The following CACHD1 variants were observed in gnomAD, a reference collection of about 807,000 sequenced individuals.
CACHD1 encodes VWFA and cache domain-containing protein 1.
A neutral mutation model predicts 138.7 loss-of-function variants in CACHD1; 71 were observed. That is an observed-to-expected ratio of 0.51 (90% CI 0.42 to 0.62). The LOEUF is 0.62. Among genes scored for constraint, CACHD1 ranks in the 20% least tolerant of loss-of-function variants. CACHD1 has a pLI of 0.00. For missense variants in CACHD1, 1,389 were observed against 1,625.3 expected, an observed-to-expected ratio of 0.85 and a Z score of 2.50; for synonymous variants, 578 against 591.5, an observed-to-expected ratio of 0.98 and a Z score of 0.33.
chr1:64,609,511 G>A (rs1475020287), intron 4 of CACHD1, among the ~76,000 whole-genome samples: 1 of 152,078 alleles, frequency 6.6e-6, no homozygotes, highest in African/African-American at 2.4e-5. Flanking sequence ...AACAAACAAG[G>A]TCTCTTTCTT....
At chr1:64,539,248 T>A (rs1451174622) in intron 1 of CACHD1, among the ~76,000 whole-genome samples, 1 of 152,244 alleles carries the variant, frequency 6.6e-6, no homozygotes, top group Non-Finnish European at 1.5e-5. Flanking sequence ...ATAAACATTC[T>A]TAAAGCACCT....
intron 26 of CACHD1, among the ~76,000 whole-genome samples, chr1:64,689,021 G>A (rs1199538313): frequency 6.6e-6 from 1 of 152,116 alleles, no homozygotes; most frequent in African/African-American, 2.4e-5. Context: ...CCCTAAGGTA[G>A]GCCTCTCAGG....
chr1:64,600,519 C>A (rs1647201936), intron 3 of CACHD1, among the ~76,000 whole-genome samples: 1 of 152,090 alleles, frequency 6.6e-6, no homozygotes, highest in African/African-American at 2.4e-5. Context: ...TTCAGGGGAG[C>A]CCAGAACAGG....
chr1:64,581,539 A>G (rs957329311), intron 2 of CACHD1, among the ~76,000 whole-genome samples: 1 of 152,226 alleles, frequency 6.6e-6, no homozygotes, highest in Admixed American at 6.5e-5. Flanking sequence ...CACAGCAGTT[A>G]AGAAAGACAT....
At chr1:64,680,444 C>T (rs1039447462) in intron 24 of CACHD1, among the ~76,000 whole-genome samples, 4 of 151,652 alleles carry the variant, frequency 2.6e-5, no homozygotes, top group Admixed American at 1.3e-4. Flanking sequence ...GCCAAGATCG[C>T]GCCATTGCAT....
At chr1:64,603,367 G>A (rs571987604) in intron 4 of CACHD1, among the ~76,000 whole-genome samples, 1 of 152,128 alleles carries the variant, frequency 6.6e-6, no homozygotes, top group Admixed American at 6.5e-5. Flanking sequence ...GCCTCCCAAA[G>A]TGCTGAGATT....
At chr1:64,629,924 A>G (rs1648242802) in intron 5 of CACHD1, among the ~76,000 whole-genome samples, 1 of 152,156 alleles carries the variant, frequency 6.6e-6, no homozygotes, top group South Asian at 2.1e-4. Flanking sequence ...TGCAGATTTT[A>G]ACTATTAGAA....
At chr1:64,527,279 C>A (rs1646548348) in intron 1 of CACHD1, among the ~76,000 whole-genome samples, 1 of 152,178 alleles carries the variant, frequency 6.6e-6, no homozygotes, top group Non-Finnish European at 1.5e-5. Flanking sequence ...TTCAGTGCGG[C>A]CCATGTGACT....
chr1:64,554,593 C>T (rs1319951637), intron 2 of CACHD1, among the ~76,000 whole-genome samples: 1 of 152,176 alleles, frequency 6.6e-6, no homozygotes, highest in African/African-American at 2.4e-5. Context: ...TCATTTGCCT[C>T]GCTCTGATTA....
At chr1:64,635,306 G>T (rs1048874529) in intron 7 of CACHD1, among the ~76,000 whole-genome samples, 1 of 151,746 alleles carries the variant, frequency 6.6e-6, no homozygotes, top group Non-Finnish European at 1.5e-5. Flanking sequence ...TTCTTGCCTT[G>T]ATCCTTCCTT....
intron 2 of CACHD1, among the ~76,000 whole-genome samples, chr1:64,559,768 C>T (rs1165662994): frequency 1.3e-5 from 2 of 152,168 alleles, no homozygotes; most frequent in African/African-American, 4.8e-5. Flanking sequence ...TTCAGGAGAG[C>T]ACCATCTGGA....
At position 64,470,317 on chromosome 1, in the gene CACHD1, C is replaced by T. The variant is rs565495303; in HGVS notation, c.-428C>T. 1.3e-5 allele frequency among the ~76,000 whole-genome samples: 2 copies of T among 152,028 alleles called. No homozygotes were observed. Among genetic ancestry groups the T allele is most frequent in the East Asian group, 3.9e-4 (2 of 5,092 alleles). On this transcript the variant is annotated 5_prime_UTR_variant, in exon 1 of 27. Coordinates refer to ENST00000651257, the MANE Select transcript of CACHD1 (RefSeq NM_020925.4). This position sits in a 1 kb window ranked among gnomAD's most constrained non-coding sequence, Gnocchi z 5.2. ...TTCCCCGGGGGCCGCCGTCAGTCCTCGCCGCCGCCTGCTCGCTGCGCTGGG... is the reference window on the plus strand; with the variant it reads ...TTCCCCGGGGGCCGCCGTCAGTCCTTGCCGCCGCCTGCTCGCTGCGCTGGG...
At chr1:64,625,661 G>A (rs898278283) in intron 4 of CACHD1, among the ~76,000 whole-genome samples, 3 of 151,426 alleles carry the variant, frequency 2.0e-5, no homozygotes, top group African/African-American at 7.3e-5. Context: ...ATTACCTAAT[G>A]GGTATAATGT....
chr1:64,658,740 G>C lies in CACHD1; in HGVS notation c.1818G>C (p.Val606=). ...QDTSFILCIV[V]IQPEIPVKQL... is the part of the protein sequence containing the mutation. Reference sequence around the variant, plus strand: ...CTTCCTTTATTCTGTGTATTGTGGTGATACAACCAGAAATACCTGTGAAAC... The same window carrying C: ...CTTCCTTTATTCTGTGTATTGTGGTCATACAACCAGAAATACCTGTGAAAC... The change falls in exon 13 of 27, where the codon GTG becomes GTC. Residue 606 remains valine (V), a synonymous_variant. Transcript: ENST00000651257. 7 of 1,611,892 alleles carry C rather than the reference G, an allele frequency of 4.3e-6. No individual in the cohort carries two copies. Among genetic ancestry groups the C allele is most frequent in the Non-Finnish European group, 5.9e-6 (7 of 1,178,858 alleles).
chr1:64,514,732 G>T (rs1012487589), intron 1 of CACHD1, among the ~76,000 whole-genome samples: 2 of 152,150 alleles, frequency 1.3e-5, no homozygotes, highest in African/African-American at 2.4e-5. Context: ...GTGCCTTCTT[G>T]TTCTCAAGAA....
In CACHD1 at chr1:64,655,373, A is replaced by G. The variant is rs550501144; in HGVS notation, c.1782+570A>G. Among the ~76,000 whole-genome samples, 4 of 152,294 alleles carry G rather than the reference A, an allele frequency of 2.6e-5. No individual in the cohort carries two copies. The East Asian group carries it at 5.8e-4, about 22-fold the overall frequency. ...TCACCCACGGCTTTAATGGCTATAT[A>G]GGATTGCATTGTGTAGATAACCCAA... On this transcript the variant is annotated intron_variant, in intron 12 of 26. Transcript: ENST00000651257.
At chr1:64,520,773 T>G (rs1192621740) in intron 1 of CACHD1, among the ~76,000 whole-genome samples, 1 of 152,220 alleles carries the variant, frequency 6.6e-6, no homozygotes, top group African/African-American at 2.4e-5. Flanking sequence ...TAGTTACCAT[T>G]TACTGAGCAC....
At chr1:64,525,537 A>C (rs1646531870) in intron 1 of CACHD1, among the ~76,000 whole-genome samples, 1 of 152,208 alleles carries the variant, frequency 6.6e-6, no homozygotes, top group African/African-American at 2.4e-5. Flanking sequence ...ACTGATGATC[A>C]AATACAGTAA....
chr1:64,584,570 G>C (rs749338134), intron 3 of CACHD1, among the ~76,000 whole-genome samples: 6 of 151,870 alleles, frequency 4.0e-5, no homozygotes, highest in Non-Finnish European at 7.4e-5. Context: ...ATTCCCTTTT[G>C]TCCCTGGAAG....
Sources: allele counts gnomAD v4.1 joint callset (sites outside exome capture counted in the v4.1 genomes callset), GRCh38; gene constraint gnomAD v4.1.1; non-coding constraint Gnocchi (gnomAD v3.1); transcripts MANE v1.5; gene names NCBI Gene and HGNC (gene_info 2026-07-23, HGNC 2026-07-21).